Variants in ARB2A observed in about 807,000 individuals in gnomAD.
The protein encoded by ARB2A is ARB2 cotranscriptional regulator A.
chr5:93,729,683 T>G, the ARB2A span, among the ~76,000 whole-genome samples: 3 of 152,116 alleles, frequency 2.0e-5, no homozygotes, highest in African/African-American at 7.2e-5. Flanking sequence ...TTAATAATAT[T>G]TGCAGGAAAA....
the ARB2A span, among the ~76,000 whole-genome samples, chr5:93,723,379 T>A: frequency 6.6e-6 from 1 of 152,124 alleles, no homozygotes; most frequent in South Asian, 2.1e-4. Context: ...CCAAAAGACA[T>A]GTAGAGAAAG....
At chr5:93,671,261 A>T in the ARB2A span, among the ~76,000 whole-genome samples, 1 of 152,190 alleles carries the variant, frequency 6.6e-6, no homozygotes, top group Non-Finnish European at 1.5e-5. Flanking sequence ...AATTGTCAAT[A>T]ATGATTTTAC....
At chr5:93,966,884 G>A in the ARB2A span, among the ~76,000 whole-genome samples, 8 of 151,712 alleles carry the variant, frequency 5.3e-5, no homozygotes, top group South Asian at 4.2e-4. Flanking sequence ...CTATAATTTC[G>A]GTCTCCTACC....
At chr5:94,094,558 TTATAATAGTCTTGA>T in the ARB2A span, among the ~76,000 whole-genome samples, 2 of 152,232 alleles carry the variant, frequency 1.3e-5, no homozygotes. Context: ...GACATTCGTA[TTATAATAGTCTTGA>T]TATTTTCCCC....
the ARB2A span, among the ~76,000 whole-genome samples, chr5:93,707,463 A>G: frequency 2.0e-3 from 310 of 152,188 alleles, 2 homozygotes; most frequent in African/African-American, 7.1e-3. Flanking sequence ...AAATTAAAAA[A>G]TTCATTATTT....
chr5:93,736,630 G>A, the ARB2A span: 1 of 152,186 alleles, frequency 6.6e-6, no homozygotes, highest in Non-Finnish European at 1.5e-5. Flanking sequence ...TGGGTGCAAT[G>A]GTGATGGTAG....
the ARB2A span, among the ~76,000 whole-genome samples, chr5:93,848,839 T>C: frequency 6.6e-6 from 1 of 152,174 alleles, no homozygotes. Context: ...TATTTGGAAG[T>C]GCATTGTTTC....
the ARB2A span, among the ~76,000 whole-genome samples, chr5:93,921,589 GA>G: frequency 6.1e-4 from 90 of 147,842 alleles, no homozygotes; most frequent in African/African-American, 1.9e-3. Context: ...CCCAATTCTG[GA>G]AAAAAAAAAT....
chr5:93,772,070 T>C, the ARB2A span, among the ~76,000 whole-genome samples: 2 of 152,200 alleles, frequency 1.3e-5, no homozygotes, highest in Non-Finnish European at 2.9e-5. Context: ...TGTCCAACAA[T>C]GATAGACTGG....
the ARB2A span, among the ~76,000 whole-genome samples, chr5:93,815,165 AGTCAAACTTTT>A: frequency 4.9e-4 from 75 of 152,334 alleles, no homozygotes; most frequent in African/African-American, 1.6e-3. Context: ...CAATCCACAA[AGTCAAACTTTT>A]GTGGTTCTGG....
chr5:93,990,934 G>C, the ARB2A span, among the ~76,000 whole-genome samples: 1 of 152,140 alleles, frequency 6.6e-6, no homozygotes. Flanking sequence ...GCTACATTGA[G>C]AAGAGTCAGA....
the ARB2A span, among the ~76,000 whole-genome samples, chr5:93,988,878 T>C: frequency 6.6e-6 from 1 of 152,068 alleles, no homozygotes. Flanking sequence ...TCTAAATAAG[T>C]CATGAAGTCT....
At chr5:94,052,436 T>G in the ARB2A span, among the ~76,000 whole-genome samples, 2 of 152,196 alleles carry the variant, frequency 1.3e-5, no homozygotes, top group Non-Finnish European at 2.9e-5. Context: ...TATCTATAAC[T>G]GATATTGGAA....
the ARB2A span, among the ~76,000 whole-genome samples, chr5:93,852,287 T>C: frequency 6.6e-6 from 1 of 152,202 alleles, no homozygotes; most frequent in African/African-American, 2.4e-5. Context: ...CTTTGCCCAC[T>C]TTTTGATGGG....
chr5:93,977,276 A>G, the ARB2A span, among the ~76,000 whole-genome samples: 3 of 152,120 alleles, frequency 2.0e-5, no homozygotes, highest in African/African-American at 7.2e-5. Flanking sequence ...GAACCAAAAA[A>G]GAGACCAAGT....
the ARB2A span, among the ~76,000 whole-genome samples, chr5:93,744,769 G>A: frequency 4.6e-5 from 7 of 152,326 alleles, no homozygotes; most frequent in African/African-American, 1.7e-4. Flanking sequence ...GGTGCTGTTT[G>A]TGCTGGGGCA....
the ARB2A span, among the ~76,000 whole-genome samples, chr5:93,855,306 G>A: frequency 6.6e-6 from 1 of 152,066 alleles, no homozygotes; most frequent in South Asian, 2.1e-4. Flanking sequence ...TTTTCCATTG[G>A]CTTGGTAGAT....
the ARB2A span, among the ~76,000 whole-genome samples, chr5:93,830,315 A>ATGTGTGTG: frequency 9.0e-3 from 379 of 42,290 alleles, 3 homozygotes; most frequent in Non-Finnish European, 0.012. Context: ...GTGTGTGTAT[A>ATGTGTGTG]TATATATATA....
At chr5:93,917,113 T>G in the ARB2A span, among the ~76,000 whole-genome samples, 1 of 152,298 alleles carries the variant, frequency 6.6e-6, no homozygotes, top group East Asian at 1.9e-4. Context: ...CTTCATTTCC[T>G]AATACACCTC....
Sources: gnomAD v4.1 joint callset for allele counts (sites outside exome capture counted in the v4.1 genomes callset) on GRCh38, gnomAD v4.1.1 for gene constraint, MANE v1.5 for transcripts, NCBI Gene and HGNC (gene_info 2026-07-23, HGNC 2026-07-21) for gene names.